Variants in CBR4 observed in about 807,000 individuals in gnomAD.
CBR4 encodes carbonyl reductase 4, also known as 3-oxoacyl-[acyl-carrier-protein] reductase.
A neutral mutation model predicts 21.0 loss-of-function variants in CBR4; 22 were observed. The ratio of observed to expected loss-of-function variants is 1.05; its 90% CI spans 0.75 to 1.50. CBR4 has a LOEUF of 1.50. CBR4 is among the 40% of genes most tolerant of loss of function. CBR4 has a pLI of 0.00. For missense variants in CBR4, 302 were observed against 286.3 expected (o/e 1.05, Z -0.40); for synonymous variants, 100 against 104.4 (o/e 0.96, Z 0.26).
At chr4:169,008,108 T>C (rs1244336836) in intron 1 of CBR4, among the ~76,000 whole-genome samples, 1 of 152,230 alleles carries the variant, frequency 6.6e-6, no homozygotes, top group African/African-American at 2.4e-5. Flanking sequence ...CTGGGTTTTA[T>C]ATTCCTTTTT....
rs11267211 is a variant in CBR4, at chr4:168,961,940, CAGGAGAGGAG to C, written n.169+40121_169+40130del. ...GGGAGGGGAGAACAAGAGGAGAGCA[CAGGAGAGGAG>C]AGGAGAGGAGAGGAGAGGAGAGGAG... On this transcript the variant is annotated intron_variant and non_coding_transcript_variant, in intron 2 of 3. Coordinates refer to the CBR4 transcript ENST00000509108. Among the ~76,000 whole-genome samples, 954 of 133,628 alleles carry C rather than the reference CAGGAGAGGAG, an allele frequency of 7.1e-3. 15 individuals carry two copies. The highest frequency in any genetic ancestry group is 0.025 in the African/African-American group (829 of 33,768). The allele number at this position is 133,628 out of a possible 152,430, so 87.7% of individuals were successfully genotyped here. A position where few individuals can be genotyped will look rare whatever the true frequency, so the allele number is the denominator to read the frequency against.
chr4:168,978,065 G>C lies in CBR4; in HGVS notation n.169+24006C>G, dbSNP rs1430748137. Among the ~76,000 whole-genome samples, 15 of 152,160 alleles carry C rather than the reference G, an allele frequency of 9.9e-5. No homozygotes were observed. The East Asian group carries it at 1.9e-3, about 20-fold the overall frequency. The stretch of plus-strand genomic sequence containing the variant: ...CTTGAAATCTTTCAATACTTCTTAG[G>C]ATAAAGTTCAAAACCCTTAACATGG... On this transcript the variant is annotated intron_variant and non_coding_transcript_variant, in intron 2 of 3. Coordinates refer to the CBR4 transcript ENST00000509108.
chr4:168,938,922 G>A (rs936682246), intron 2 of CBR4, among the ~76,000 whole-genome samples: 1 of 152,138 alleles, frequency 6.6e-6, no homozygotes, highest in Admixed American at 6.6e-5. Context: ...TAGTAAAAAA[G>A]GGAATCCTCC....
At chr4:168,945,908 A>C (rs566743380) in intron 2 of CBR4, among the ~76,000 whole-genome samples, 2 of 152,214 alleles carry the variant, frequency 1.3e-5, no homozygotes, top group Non-Finnish European at 2.9e-5. Context: ...AACTTACAGC[A>C]GACCCGCAAA....
chr4:168,937,835 G>C (rs1336134656), intron 2 of CBR4, among the ~76,000 whole-genome samples: 2 of 152,142 alleles, frequency 1.3e-5, no homozygotes, highest in Non-Finnish European at 2.9e-5. Flanking sequence ...GACCTACAAA[G>C]AGACTTAGAC....
chr4:168,924,205 G>A (rs1407047817), intron 2 of CBR4: 2 of 1,521,188 alleles, frequency 1.3e-6, no homozygotes, highest in Admixed American at 1.7e-5. Context: ...ATTCTTTCTA[G>A]TGCTCCTTTT....
intron 2 of CBR4, among the ~76,000 whole-genome samples, chr4:168,976,098 T>C (rs963983533): frequency 1.6e-4 from 25 of 152,314 alleles, no homozygotes; most frequent in East Asian, 9.7e-4. Flanking sequence ...CGCTCATATA[T>C]GCACTTCCCA....
chr4:168,916,471 ATT>A (rs1760115059), intron 2 of CBR4, among the ~76,000 whole-genome samples: 1 of 113,012 alleles, frequency 8.8e-6, no homozygotes, highest in African/African-American at 2.8e-5. Flanking sequence ...ATATTTATAT[ATT>A]GTTTACTATG....
chr4:168,949,360 T>C (rs889745858), intron 2 of CBR4, among the ~76,000 whole-genome samples: 2 of 152,178 alleles, frequency 1.3e-5, no homozygotes, highest in Non-Finnish European at 2.9e-5. Flanking sequence ...CCTGTATTTC[T>C]TTCTCTTGTC....
At chr4:168,955,641 C>T (rs1763663206) in intron 2 of CBR4, among the ~76,000 whole-genome samples, 1 of 152,098 alleles carries the variant, frequency 6.6e-6, no homozygotes, top group African/African-American at 2.4e-5. Context: ...AGGTAGCACT[C>T]CAAAGTATCC....
chr4:168,923,202 T>C (rs1236882308), intron 2 of CBR4, among the ~76,000 whole-genome samples: 3 of 152,252 alleles, frequency 2.0e-5, no homozygotes, highest in Non-Finnish European at 4.4e-5. Flanking sequence ...AGTGAGCTTC[T>C]GTTCCCACTT....
intron 2 of CBR4, among the ~76,000 whole-genome samples, chr4:168,966,387 C>T (rs111953394): frequency 9.4e-4 from 135 of 142,932 alleles, no homozygotes; most frequent in African/African-American, 3.3e-3. Flanking sequence ...AAAGGCCAGG[C>T]GTGGTGGCAG....
At chr4:168,923,556 C>T (rs1761992727) in intron 2 of CBR4, among the ~76,000 whole-genome samples, 1 of 151,370 alleles carries the variant, frequency 6.6e-6, no homozygotes, top group Non-Finnish European at 1.5e-5. Context: ...ACAATCAGTC[C>T]TGAATTTTTC....
At chr4:168,957,524 T>C (rs2126717850) in intron 2 of CBR4, among the ~76,000 whole-genome samples, 1 of 152,288 alleles carries the variant, frequency 6.6e-6, no homozygotes, top group Non-Finnish European at 1.5e-5. Flanking sequence ...TGTATCTGAA[T>C]TGTGAAAACA....
At chr4:168,943,749 A>C (rs1763325253) in intron 2 of CBR4, among the ~76,000 whole-genome samples, 1 of 152,112 alleles carries the variant, frequency 6.6e-6, no homozygotes, top group African/African-American at 2.4e-5. Flanking sequence ...ATCTCTACTA[A>C]AAATACAAAA....
At position 169,006,891 on chromosome 4, in the gene CBR4, C is replaced by G. The variant is rs1730949504; in HGVS notation, c.264G>C (p.Arg88Ser). 6.2e-7 allele frequency: 1 copy of G among 1,610,180 alleles called. No homozygotes were observed. Among genetic ancestry groups the G allele is most frequent in the South Asian group, 1.1e-5 (1 of 90,934 alleles). ...NFLVNAAGINRDGLLVRTKTE... is the reference protein window; with the variant it reads ...NFLVNAAGINSDGLLVRTKTE... The stretch of plus-strand genomic sequence containing the variant: ...TTTTTGTTCTTACTAAAAGACCATC[C>G]CTACAAAAAGAAACAGCATATAATA... Residue 88 changes from arginine (R) to serine (S), a missense_variant and splice_region_variant, in exon 3 of 5, where the codon AGG becomes AGC. Coordinates refer to ENST00000306193, the MANE Select transcript of CBR4 (RefSeq NM_032783.5).
intron 2 of CBR4, among the ~76,000 whole-genome samples, chr4:168,981,247 A>T (rs749488235): frequency 4.6e-5 from 7 of 152,250 alleles, no homozygotes; most frequent in Non-Finnish European, 1.0e-4. Flanking sequence ...TAAAAATGCA[A>T]AAATTACCAG....
chr4:168,926,418 A>G lies in CBR4; in HGVS notation n.170-31653T>C. 2.0e-6 allele frequency: 3 copies of G among 1,473,874 alleles called. 1 individual carries two copies. The South Asian group carries it at 3.6e-5, about 18-fold the overall frequency. The allele number at this position is 1,473,874 out of a possible 1,614,324, so 91.3% of individuals were successfully genotyped here. A position where few individuals can be genotyped will look rare whatever the true frequency, so the allele number is the denominator to read the frequency against. ...TTCTTGTTAAAGCTGAAACACTGAAACAGCCATTGCCTTGACCAACATATT... is the reference window on the plus strand; with the variant it reads ...TTCTTGTTAAAGCTGAAACACTGAAGCAGCCATTGCCTTGACCAACATATT... On this transcript the variant is annotated intron_variant and non_coding_transcript_variant, in intron 2 of 3. Coordinates refer to the CBR4 transcript ENST00000509108.
At chr4:168,898,159 G>A in intron 2 of CBR4, 1 of 359,260 alleles carries the variant, frequency 2.8e-6, no homozygotes, top group Non-Finnish European at 5.3e-6. Context: ...ATATTTTATT[G>A]TTATCAACAG....
Sources: gnomAD v4.1 joint callset for allele counts (sites outside exome capture counted in the v4.1 genomes callset) on GRCh38, gnomAD v4.1.1 for gene constraint, MANE v1.5 for transcripts, NCBI Gene and HGNC (gene_info 2026-07-23, HGNC 2026-07-21) for gene names.